STXBP4: variants seen among roughly 807,000 people sequenced by gnomAD.
STXBP4 encodes the protein syntaxin-binding protein 4.
In STXBP4, 55 loss-of-function variants were observed where a neutral mutation model predicts 76.1. That is an observed-to-expected ratio of 0.72 (90% confidence interval 0.58 to 0.91). The LOEUF is 0.91. STXBP4 is among the 40% of genes least tolerant of loss of function. The probability of loss-of-function intolerance (pLI) is 0.00; values close to 1 mark genes in which losing one functional copy is unlikely to be tolerated. For synonymous variants in STXBP4, 201 were observed against 220.2 expected (o/e 0.91, Z 0.77); for missense variants, 618 against 636.9 (o/e 0.97, Z 0.32).
At chr17:55,185,245 T>TCTTCTTCTTCTTCTTCTTCTC in the STXBP4 span, among the ~76,000 whole-genome samples, 3 of 57,916 alleles carry the variant, frequency 5.2e-5, 1 homozygote, top group Admixed American at 3.4e-4. Flanking sequence ...TTCTTCTTCT[T>TCTTCTTCTTCTTCTTCTTCTC]CTTCTCCTTC....
intron 17 of STXBP4, among the ~76,000 whole-genome samples, chr17:55,143,781 G>A: frequency 6.6e-6 from 1 of 152,152 alleles, no homozygotes; most frequent in Non-Finnish European, 1.5e-5. Flanking sequence ...TGTTTTGGAA[G>A]TCCATCAATT....
chr17:55,000,365 A>G (rs1438752075), intron 6 of STXBP4: 2 of 580,138 alleles, frequency 3.4e-6, no homozygotes, highest in Admixed American at 1.3e-4. Flanking sequence ...ACTAACTGCT[A>G]TATTATCTGA....
chr17:55,206,720 G>A, the STXBP4 span, among the ~76,000 whole-genome samples: 1 of 151,946 alleles, frequency 6.6e-6, no homozygotes, highest in African/African-American at 2.4e-5. Flanking sequence ...AGCCAGGTGT[G>A]GTGGTGGGTG....
chr17:55,007,651 T>C lies in STXBP4; in HGVS notation c.666+54T>C, dbSNP rs369427661. The C allele has an allele frequency of 1.1e-4, 149 of 1,376,668 alleles. No homozygotes were observed. The African/African-American group carries it at 2.0e-3, about 19-fold the overall frequency. The allele number at this position is 1,376,668 out of a possible 1,614,324, so 85.3% of individuals were successfully genotyped here. A position where few individuals can be genotyped will look rare whatever the true frequency, so the allele number is the denominator to read the frequency against. ...CCATAAGACAAAAACAGGAAAGAAG[T>C]ATTCTCCTTCTTTGAGAGGATAAAG... On this transcript the variant is annotated intron_variant, in intron 8 of 17. Coordinates refer to ENST00000376352, the MANE Select transcript of STXBP4 (RefSeq NM_178509.6).
At position 55,043,778 on chromosome 17, in the gene STXBP4, A is replaced by G. The variant is rs546169571; in HGVS notation, c.945+453A>G. ...TTAATATTATTTTAGAGAGGAAAAA[A>G]ACACACATATCCCAAATATACTGTA... On this transcript the variant is annotated intron_variant, in intron 11 of 17. Transcript: ENST00000376352. 86 of 766,072 alleles carry G rather than the reference A, an allele frequency of 1.1e-4. No individual in the cohort carries two copies. The African/African-American group carries it at 1.5e-3, about 13-fold the overall frequency. 47.5% of individuals were successfully genotyped at this position (766,072 alleles called of 1,614,324 possible).
At chr17:55,105,567 A>G (rs977783696) in intron 16 of STXBP4, among the ~76,000 whole-genome samples, 4 of 148,888 alleles carry the variant, frequency 2.7e-5, no homozygotes, top group Non-Finnish European at 3.0e-5. Flanking sequence ...TTCCGGGTTC[A>G]TACACCATTC....
Position 54,990,970 on chromosome 17 carries a change from C to A in STXBP4, c.180+13C>A. The A allele has an allele frequency of 2.0e-6, 3 of 1,507,938 alleles. No individual in the cohort carries two copies. The highest frequency in any genetic ancestry group is 2.6e-6 in the Non-Finnish European group (3 of 1,133,848). 93.4% of individuals were successfully genotyped at this position (1,507,938 alleles called of 1,614,324 possible). ...AGACTGTTATAAGGTAAAAATATGT[C>A]CCATGCCCACCAAAAATACAAACAA... On this transcript the variant is annotated intron_variant, in intron 4 of 17. Coordinates refer to ENST00000376352, the MANE Select transcript of STXBP4 (RefSeq NM_178509.6).
chr17:55,154,017 G>A lies in STXBP4; in HGVS notation c.1548-5780G>A, dbSNP rs185385455. Among the ~76,000 whole-genome samples the A allele has an allele frequency of 1.2e-4, 19 of 152,178 alleles. No homozygotes were observed. The East Asian group carries it at 1.3e-3, about 11-fold the overall frequency. On this transcript the variant is annotated intron_variant, in intron 17 of 17. Transcript: ENST00000376352. ...TTGCTTGACAGTGATCTAGAGTGAC[G>A]CTATCTGAAATAACAAATCATCTGC...
downstream of STXBP4, among the ~76,000 whole-genome samples, chr17:55,176,393 A>G (rs2080430952): frequency 6.6e-6 from 1 of 152,210 alleles, no homozygotes; most frequent in Non-Finnish European, 1.5e-5. Context: ...GAGTAATGTC[A>G]GGGTGATGAG....
the STXBP4 span, among the ~76,000 whole-genome samples, chr17:55,190,667 T>C: frequency 6.6e-6 from 1 of 152,124 alleles, no homozygotes; most frequent in Non-Finnish European, 1.5e-5. Context: ...CCGAGGGAGA[T>C]AATAAGCATG....
At chr17:55,035,139 C>A (rs2078576178) in intron 10 of STXBP4, among the ~76,000 whole-genome samples, 1 of 151,932 alleles carries the variant, frequency 6.6e-6, no homozygotes, top group Non-Finnish European at 1.5e-5. Context: ...TCTAGATACA[C>A]AGATCTGTTT....
In STXBP4 at chr17:55,031,042, G is replaced by T. The variant is rs1003056333; in HGVS notation, c.667-126G>T. 4 of 645,480 alleles carry T rather than the reference G, an allele frequency of 6.2e-6. No homozygotes were observed. In the Admixed American group the frequency reaches 8.5e-5, roughly 14 times the overall value. The allele number at this position is 645,480 out of a possible 1,614,324, so 40.0% of individuals were successfully genotyped here. Reference sequence around the variant, plus strand: ...AATCCATAAAGAGCTGACTTCCCTTGGGTGTTTAATCCTGGTCGACTGTTT... The same window carrying T: ...AATCCATAAAGAGCTGACTTCCCTTTGGTGTTTAATCCTGGTCGACTGTTT... On this transcript the variant is annotated intron_variant, in intron 8 of 17. Coordinates refer to ENST00000376352, the MANE Select transcript of STXBP4 (RefSeq NM_178509.6).
At chr17:55,182,487 A>G in the STXBP4 span, among the ~76,000 whole-genome samples, 2 of 152,188 alleles carry the variant, frequency 1.3e-5, no homozygotes, top group Non-Finnish European at 2.9e-5. Flanking sequence ...GAGAAGGGAT[A>G]ACGTATAATT....
chr17:55,201,085 A>G, the STXBP4 span, among the ~76,000 whole-genome samples: 2 of 152,136 alleles, frequency 1.3e-5, no homozygotes, highest in African/African-American at 4.8e-5. Context: ...ATTCACTGTC[A>G]TTTCCCCATG....
At chr17:55,141,519 G>A (rs1443119170) in intron 17 of STXBP4, 152 bp downstream of exon 17, 4 of 574,336 alleles carry the variant, frequency 7.0e-6, no homozygotes, top group African/African-American at 3.9e-5. Context: ...CGTTTCATGT[G>A]ATTTAAATGC....
the STXBP4 span, among the ~76,000 whole-genome samples, chr17:55,192,119 GT>G: frequency 6.6e-6 from 1 of 152,108 alleles, no homozygotes; most frequent in South Asian, 2.1e-4. Flanking sequence ...AAAGAAATAC[GT>G]GCTATTGAAT....
At chr17:55,093,929 A>G (rs2079449303) in intron 16 of STXBP4, among the ~76,000 whole-genome samples, 1 of 152,176 alleles carries the variant, frequency 6.6e-6, no homozygotes, top group Non-Finnish European at 1.5e-5. Context: ...TCACAAATAA[A>G]TAGAAAACGT....
At position 55,168,915 on chromosome 17, in the gene STXBP4, C is replaced by G. The variant is rs1330061313; in HGVS notation, c.*9004C>G. ...TTTTAGATAACAATCAGGATTCATACTCTTCTCAATAGTCCTTAAATGGTT... is the reference window on the plus strand; with the variant it reads ...TTTTAGATAACAATCAGGATTCATAGTCTTCTCAATAGTCCTTAAATGGTT... On this transcript the variant is annotated 3_prime_UTR_variant, in exon 18 of 18. Transcript: ENST00000376352. 1 of 152,142 alleles carries G rather than the reference C, an allele frequency of 6.6e-6. No homozygotes were observed. Among genetic ancestry groups the G allele is most frequent in the Non-Finnish European group, 1.5e-5 (1 of 68,032 alleles). The allele number at this position is 152,142 out of a possible 1,614,324, so 9.4% of individuals were successfully genotyped here.
chr17:55,118,693 C>A lies in STXBP4; in HGVS notation c.1490-22617C>A, dbSNP rs184423602. ...GGATCCAAGACTTAACACTAGGAAC[C>A]TTTAGAGGTCTATTGAAAGAAGAAA... On this transcript the variant is annotated intron_variant, in intron 16 of 17. Coordinates refer to ENST00000376352, the MANE Select transcript of STXBP4 (RefSeq NM_178509.6). 4.0e-5 allele frequency among the ~76,000 whole-genome samples: 6 copies of A among 151,706 alleles called. No homozygotes were observed. In the East Asian group the frequency reaches 7.8e-4, roughly 20 times the overall value.
Sources: allele counts gnomAD v4.1 joint callset (sites outside exome capture counted in the v4.1 genomes callset), GRCh38; gene constraint gnomAD v4.1.1; transcripts MANE v1.5; gene names NCBI Gene and HGNC (gene_info 2026-07-23, HGNC 2026-07-21).